FOXK1: variants seen among roughly 807,000 people sequenced by gnomAD.
FOXK1 encodes forkhead box protein K1.
A neutral mutation model predicts 51.9 loss-of-function variants in FOXK1; 19 were observed. The ratio of observed to expected loss-of-function variants is 0.37; its 90% CI spans 0.26 to 0.54. The LOEUF is 0.54. FOXK1 is among the 20% of genes least tolerant of loss of function. The probability of loss-of-function intolerance (pLI) is 0.87; values close to 1 mark genes in which losing one functional copy is unlikely to be tolerated. For missense variants in FOXK1, 870 were observed against 1,032.7 expected, an observed-to-expected ratio of 0.84 and a Z score of 2.16; for synonymous variants, 537 against 482.6, an observed-to-expected ratio of 1.11 and a Z score of -1.48.
At chr7:4,694,408 T>C (rs992962943) in intron 1 of FOXK1, among the ~76,000 whole-genome samples, 17 of 152,208 alleles carry the variant, frequency 1.1e-4, no homozygotes, top group African/African-American at 4.1e-4. Context: ...CTTCTCACTA[T>C]AAATCACAGC....
At chr7:4,746,968 T>G (rs992130223) in intron 2 of FOXK1, among the ~76,000 whole-genome samples, 1 of 152,242 alleles carries the variant, frequency 6.6e-6, no homozygotes, top group African/African-American at 2.4e-5. Context: ...AACTATTGTT[T>G]CCTCCACATG....
chr7:4,734,225 C>T lies in FOXK1; in HGVS notation c.561-6613C>T, dbSNP rs528962457. On this transcript the variant is annotated intron_variant, in intron 1 of 8. Coordinates refer to ENST00000328914, the MANE Select transcript of FOXK1 (RefSeq NM_001037165.2). The surrounding 1 kb of genome is among the most constrained non-coding windows in gnomAD (Gnocchi z 5.2). ...TGTGTGGGGTGACTCTATCTCAAGCCGTAGGCCTCCCAGACAGAGCCTCTG... is the reference window on the plus strand; with the variant it reads ...TGTGTGGGGTGACTCTATCTCAAGCTGTAGGCCTCCCAGACAGAGCCTCTG... Among the ~76,000 whole-genome samples the T allele has an allele frequency of 3.3e-5, 5 of 152,338 alleles. No homozygotes were observed. The highest frequency in any genetic ancestry group is 2.1e-4 in the South Asian group (1 of 4,826).
chr7:4,706,070 A>G (rs1474765057), intron 1 of FOXK1, among the ~76,000 whole-genome samples: 2 of 148,970 alleles, frequency 1.3e-5, no homozygotes, highest in East Asian at 3.9e-4. Context: ...ATATGTGTAT[A>G]TATGTATATA....
chr7:4,758,978 C>A lies in FOXK1; in HGVS notation c.1245-73C>A. On this transcript the variant is annotated intron_variant, in intron 5 of 8. Coordinates refer to ENST00000328914, the MANE Select transcript of FOXK1 (RefSeq NM_001037165.2). The surrounding 1 kb of genome is among the most constrained non-coding windows in gnomAD (Gnocchi z 4.4). ...GTGGGCGGGTGACGGCGCTGAGATG[C>A]GTGATGTCTCGGAAACGTCCTCGCA... The A allele has an allele frequency of 1.4e-6, 2 of 1,474,034 alleles. No individual in the cohort carries two copies. Among genetic ancestry groups the A allele is most frequent in the Non-Finnish European group, 1.8e-6 (2 of 1,103,944 alleles). 91.3% of individuals were successfully genotyped at this position (1,474,034 alleles called of 1,614,324 possible). A position where few individuals can be genotyped will look rare whatever the true frequency, so the allele number is the denominator to read the frequency against.
chr7:4,732,894 G>T (rs756050655), intron 1 of FOXK1, among the ~76,000 whole-genome samples: 3 of 152,118 alleles, frequency 2.0e-5, no homozygotes, highest in African/African-American at 7.2e-5. Flanking sequence ...CTTCTTACTC[G>T]TCCAGCGTTC....
chr7:4,759,325 G>T lies in FOXK1; in HGVS notation c.1426G>T (p.Ala476Ser), dbSNP rs1422282801. Residue 476 changes from alanine to serine, a missense_variant, in exon 7 of 9, where the codon GCC becomes TCC. By Grantham distance (99) the Ala-to-Ser change is moderately conservative. Transcript: ENST00000328914. ...CCTCCGTGCAGGCTCCCCCGTCAGC[G>T]CCCAGCCAGTGATCATGGCCGTGCC... is the stretch of plus-strand genomic sequence containing the variant. ...SQSAPGSPVSAQPVIMAVPPR... is the reference protein window; with the variant it reads ...SQSAPGSPVSSQPVIMAVPPR... The T allele has an allele frequency of 6.2e-7, 1 of 1,600,452 alleles. No homozygotes were observed. The highest frequency in any genetic ancestry group is 8.5e-7 in the Non-Finnish European group (1 of 1,178,108).
Position 4,758,325 on chromosome 7 carries a change from G to A in FOXK1, c.1245-726G>A, listed in dbSNP as rs1780881294. On this transcript the variant is annotated intron_variant, in intron 5 of 8. Transcript: ENST00000328914. The surrounding 1 kb of genome is among the most constrained non-coding windows in gnomAD (Gnocchi z 4.4). ...CAGTCTTGGCCAAGCCCAGTCTGGAGGAGCATGCACCGCCTGTGAGCGGTC... is the reference window on the plus strand; with the variant it reads ...CAGTCTTGGCCAAGCCCAGTCTGGAAGAGCATGCACCGCCTGTGAGCGGTC... 6.6e-6 allele frequency: 1 copy of A among 152,308 alleles called. No homozygotes were observed. The highest frequency in any genetic ancestry group is 2.1e-4 in the South Asian group (1 of 4,838). The allele number at this position is 152,308 out of a possible 1,614,324, so 9.4% of individuals were successfully genotyped here. A position where few individuals can be genotyped will look rare whatever the true frequency, so the allele number is the denominator to read the frequency against.
At chr7:4,702,606 A>G (rs1402491459) in intron 1 of FOXK1, among the ~76,000 whole-genome samples, 1 of 152,192 alleles carries the variant, frequency 6.6e-6, no homozygotes, top group Non-Finnish European at 1.5e-5. Flanking sequence ...TTGGCCTCCC[A>G]AAGTGCTGGG....
chr7:4,691,914 G>A (rs1281071978), intron 1 of FOXK1, among the ~76,000 whole-genome samples: 1 of 152,090 alleles, frequency 6.6e-6, no homozygotes, highest in East Asian at 1.9e-4. Context: ...ATGGCTGCTG[G>A]ACATTCTCTG....
intron 1 of FOXK1, among the ~76,000 whole-genome samples, chr7:4,720,759 G>A (rs1208806201): frequency 2.0e-5 from 3 of 151,222 alleles, no homozygotes; most frequent in Admixed American, 2.0e-4. Flanking sequence ...GAGTGCAATG[G>A]CGCGATCTCG....
In FOXK1 at chr7:4,736,018, G is replaced by A. The variant is rs566766229; in HGVS notation, c.561-4820G>A. 5.3e-5 allele frequency among the ~76,000 whole-genome samples: 8 copies of A among 152,178 alleles called. No homozygotes were observed. The East Asian group carries it at 1.2e-3, about 22-fold the overall frequency. ...ACAAAACTTAGCTGGGCTCTGTGGC[G>A]CGTGCCTGTAATCCCAGCTACTCAG... is the stretch of plus-strand genomic sequence containing the variant. On this transcript the variant is annotated intron_variant, in intron 1 of 8. Transcript: ENST00000328914.
Position 4,756,704 on chromosome 7 carries a change from G to A in FOXK1, c.1051-290G>A, listed in dbSNP as rs1182204415. Among the ~76,000 whole-genome samples, 1 of 151,712 alleles carries A rather than the reference G, an allele frequency of 6.6e-6. No individual in the cohort carries two copies. The highest frequency in any genetic ancestry group is 1.5e-5 in the Non-Finnish European group (1 of 67,942). ...CCCTTGAACCCGGGAGGCGGAACTT[G>A]CAGTGAGCCGAGATCGTGCCACTGC... is the stretch of plus-strand genomic sequence containing the variant. On this transcript the variant is annotated intron_variant, in intron 4 of 8. Coordinates refer to ENST00000328914, the MANE Select transcript of FOXK1 (RefSeq NM_001037165.2). The surrounding 1 kb of genome is among the most constrained non-coding windows in gnomAD (Gnocchi z 4.1).
rs528417588 is a variant in FOXK1, at chr7:4,762,293, G to A, written c.2031G>A (p.Ala677=). The change falls in exon 9 of 9, where the codon GCG becomes GCA. Residue 677 remains alanine, a synonymous_variant. Transcript: ENST00000328914. This position sits in a 1 kb window ranked among gnomAD's most constrained non-coding sequence, Gnocchi z 5.7. ...VGPKEPAAAV[A]ATATTTPATA... ...CCAAGGAGCCAGCAGCAGCCGTCGCGGCCACGGCCACCACCACCCCAGCCA... is the reference window on the plus strand; with the variant it reads ...CCAAGGAGCCAGCAGCAGCCGTCGCAGCCACGGCCACCACCACCCCAGCCA... 1.2e-4 allele frequency: 189 copies of A among 1,550,336 alleles called. No individual in the cohort carries two copies. The East Asian group carries it at 2.1e-3, about 17-fold the overall frequency.
intron 1 of FOXK1, among the ~76,000 whole-genome samples, chr7:4,694,979 A>C (rs1779934878): frequency 6.6e-6 from 1 of 152,244 alleles, no homozygotes; most frequent in Non-Finnish European, 1.5e-5. Flanking sequence ...GAACTTAGTC[A>C]ATGAAAAATG....
At chr7:4,704,315 G>T (rs907762853) in intron 1 of FOXK1, among the ~76,000 whole-genome samples, 1 of 151,900 alleles carries the variant, frequency 6.6e-6, no homozygotes, top group African/African-American at 2.4e-5. Context: ...GTCGGGCGTA[G>T]TGGGGCACGC....
At position 4,758,635 on chromosome 7, in the gene FOXK1, T is replaced by G. The variant is rs1482136533; in HGVS notation, c.1245-416T>G. ...CGAACGTCATTTGCAGCATTTAAAC[T>G]GAGCTCCAAATGACGTTCAAACACC... On this transcript the variant is annotated intron_variant, in intron 5 of 8. Coordinates refer to ENST00000328914, the MANE Select transcript of FOXK1 (RefSeq NM_001037165.2). The surrounding 1 kb of genome is among the most constrained non-coding windows in gnomAD (Gnocchi z 4.4). 1.1e-5 allele frequency: 2 copies of G among 186,508 alleles called. No homozygotes were observed. Among genetic ancestry groups the G allele is most frequent in the African/African-American group, 4.7e-5 (2 of 42,500 alleles). The allele number at this position is 186,508 out of a possible 1,614,324, so 11.6% of individuals were successfully genotyped here.
chr7:4,738,594 A>G (rs1314643514), intron 1 of FOXK1, among the ~76,000 whole-genome samples: 4 of 152,302 alleles, frequency 2.6e-5, no homozygotes, highest in South Asian at 2.1e-4. Flanking sequence ...AGTATTTTCA[A>G]ATAGCCTTGG....
At chr7:4,751,202 G>C (rs1780771025) in intron 2 of FOXK1, among the ~76,000 whole-genome samples, 1 of 150,566 alleles carries the variant, frequency 6.6e-6, no homozygotes, top group Non-Finnish European at 1.5e-5. Context: ...TTTTTTTTTA[G>C]TAGAGACGGG....
rs1780885421 is a variant in FOXK1 at position 4,758,551 on chromosome 7, G to A, written c.1245-500G>A. On this transcript the variant is annotated intron_variant, in intron 5 of 8. Transcript: ENST00000328914. This position sits in a 1 kb window ranked among gnomAD's most constrained non-coding sequence, Gnocchi z 4.4. ...AAATTCATTTCGAGCACAGGGTCTG[G>A]CATTGTGATTCTCAGGTGAACTGGG... 1.3e-5 allele frequency: 2 copies of A among 155,098 alleles called. No homozygotes were observed. The allele number at this position is 155,098 out of a possible 1,614,324, so 9.6% of individuals were successfully genotyped here. A position where few individuals can be genotyped will look rare whatever the true frequency, so the allele number is the denominator to read the frequency against.
Sources: allele counts gnomAD v4.1 joint callset (sites outside exome capture counted in the v4.1 genomes callset), GRCh38; gene constraint gnomAD v4.1.1; non-coding constraint Gnocchi (gnomAD v3.1); transcripts MANE v1.5; gene names NCBI Gene and HGNC (gene_info 2026-07-23, HGNC 2026-07-21).